KCNQ1OT1: variants seen among roughly 807,000 people sequenced by gnomAD.
KCNQ1OT1 encodes the protein KCNQ1 antisense RNA 2 (non-protein coding).
rs1474824500 is a variant in KCNQ1OT1, at chr11:2,621,086, T to C, written n.78909A>G. The C allele has an allele frequency of 5.0e-6, 2 of 397,256 alleles. No homozygotes were observed. Among genetic ancestry groups the C allele is most frequent in the Non-Finnish European group, 8.9e-6 (2 of 225,870 alleles). 24.6% of individuals were successfully genotyped at this position (397,256 alleles called of 1,614,324 possible). On this transcript the variant is annotated non_coding_transcript_exon_variant, in exon 1 of 1. Coordinates refer to ENST00000597346, the Ensembl canonical transcript of KCNQ1OT1. The surrounding 1 kb of genome is among the most constrained non-coding windows in gnomAD (Gnocchi z 5.7). Reference sequence around the variant, plus strand: ...TCCACCTCCTGGGTTCAAGCAATTCTCCTGTCTCAGACTCCTGAGTAGCTG... The same window carrying C: ...TCCACCTCCTGGGTTCAAGCAATTCCCCTGTCTCAGACTCCTGAGTAGCTG...
Position 2,666,419 on chromosome 11 carries a change from G to A in KCNQ1OT1, n.33576C>T, listed in dbSNP as rs1039416543. The A allele has an allele frequency of 2.8e-5, 11 of 398,550 alleles. No individual in the cohort carries two copies. The South Asian group carries it at 3.8e-4, about 14-fold the overall frequency. The allele number at this position is 398,550 out of a possible 1,614,324, so 24.7% of individuals were successfully genotyped here. A position where few individuals can be genotyped will look rare whatever the true frequency, so the allele number is the denominator to read the frequency against. On this transcript the variant is annotated non_coding_transcript_exon_variant, in exon 1 of 1. Transcript: ENST00000597346. ...CTTGAGCAAAAACAGCCCCGTGTGC[G>A]TTAATTAGAATTTCCATGTCTTCAA... is the stretch of plus-strand genomic sequence containing the variant.
In KCNQ1OT1 at chr11:2,691,436, G is replaced by C; in HGVS notation, n.8559C>G. ...TGTGGGGAGTCCACTGAAGCTCCCTGCCCCCACTGAGTCTCTGATGTTGAC... is the reference window on the plus strand; with the variant it reads ...TGTGGGGAGTCCACTGAAGCTCCCTCCCCCCACTGAGTCTCTGATGTTGAC... On this transcript the variant is annotated non_coding_transcript_exon_variant, in exon 1 of 1. Transcript: ENST00000597346. The surrounding 1 kb of genome is among the most constrained non-coding windows in gnomAD (Gnocchi z 6.4). 2.5e-6 allele frequency: 1 copy of C among 398,606 alleles called. No homozygotes were observed. The allele number at this position is 398,606 out of a possible 1,614,324, so 24.7% of individuals were successfully genotyped here. A position where few individuals can be genotyped will look rare whatever the true frequency, so the allele number is the denominator to read the frequency against.
At chr11:2,644,017 T>C (rs1240193642) in exon 1 of KCNQ1OT1, 2 of 398,464 alleles carry the variant, frequency 5.0e-6, no homozygotes, top group African/African-American at 2.1e-5. Context: ...CTTTTATCGC[T>C]GGTTTTATGA....
chr11:2,614,729 C>A (rs1187461836), exon 1 of KCNQ1OT1: 2 of 398,252 alleles, frequency 5.0e-6, no homozygotes, highest in Non-Finnish European at 8.9e-6. Flanking sequence ...TTCCATTGGT[C>A]TATATGTCCA....
chr11:2,630,697 C>G (rs2133815817), exon 1 of KCNQ1OT1: 1 of 398,316 alleles, frequency 2.5e-6, no homozygotes, highest in Non-Finnish European at 4.4e-6. Flanking sequence ...CATATGTTTT[C>G]ATGTTACTAA....
chr11:2,628,928 T>A (rs952504472), exon 1 of KCNQ1OT1: 21 of 398,316 alleles, frequency 5.3e-5, no homozygotes, highest in Non-Finnish European at 9.3e-5. Context: ...TGACCATAAA[T>A]GTGTGGGTTT....
At chr11:2,644,552 AT>A in exon 1 of KCNQ1OT1, 2 of 398,200 alleles carry the variant, frequency 5.0e-6, no homozygotes, top group Non-Finnish European at 8.8e-6. Flanking sequence ...GGTTTCATCA[AT>A]TTCTTTTTCA....
chr11:2,685,409 C>T (rs763577452), exon 1 of KCNQ1OT1: 1 of 398,652 alleles, frequency 2.5e-6, no homozygotes, highest in Non-Finnish European at 4.4e-6. Flanking sequence ...TTCCATGGGT[C>T]TCCTTCACAT....
At position 2,657,538 on chromosome 11, in the gene KCNQ1OT1, T is replaced by C. The variant is rs1849871491; in HGVS notation, n.42457A>G. On this transcript the variant is annotated non_coding_transcript_exon_variant, in exon 1 of 1. Transcript: ENST00000597346. The surrounding 1 kb of genome is among the most constrained non-coding windows in gnomAD (Gnocchi z 4.8). ...ACAAAAATAGTACCGAGTACCCACATCCCTTTCACCAGCTTCCCCTAATGT... is the reference window on the plus strand; with the variant it reads ...ACAAAAATAGTACCGAGTACCCACACCCCTTTCACCAGCTTCCCCTAATGT... 2.5e-6 allele frequency: 1 copy of C among 398,476 alleles called. No individual in the cohort carries two copies. Among genetic ancestry groups the C allele is most frequent in the Non-Finnish European group, 4.4e-6 (1 of 226,066 alleles). The allele number at this position is 398,476 out of a possible 1,614,324, so 24.7% of individuals were successfully genotyped here.
rs117435185 is a variant in KCNQ1OT1 at position 2,617,269 on chromosome 11, A to C, written n.82726T>G. ...CCCATGGTAACCACTAGTTTATTCTATCTCTGTATATTTGACTTTTTTCTT... is the reference window on the plus strand; with the variant it reads ...CCCATGGTAACCACTAGTTTATTCTCTCTCTGTATATTTGACTTTTTTCTT... On this transcript the variant is annotated non_coding_transcript_exon_variant, in exon 1 of 1. Coordinates refer to ENST00000597346, the Ensembl canonical transcript of KCNQ1OT1. This position sits in a 1 kb window ranked among gnomAD's most constrained non-coding sequence, Gnocchi z 4.6. 0.016 allele frequency: 6,569 copies of C among 398,284 alleles called. 284 individuals are homozygous for C. Among genetic ancestry groups the C allele is most frequent in the East Asian group, 0.11 (3,072 of 28,048 alleles). The allele number at this position is 398,284 out of a possible 1,614,324, so 24.7% of individuals were successfully genotyped here. A position where few individuals can be genotyped will look rare whatever the true frequency, so the allele number is the denominator to read the frequency against.
At chr11:2,610,248 G>C (rs1218764340) in exon 1 of KCNQ1OT1, 5 of 397,598 alleles carry the variant, frequency 1.3e-5, no homozygotes, top group Non-Finnish European at 2.2e-5. Flanking sequence ...ATTAATCCTG[G>C]TGAGATACAG....
At chr11:2,689,539 G>A (rs964834579) in exon 1 of KCNQ1OT1, 10 of 398,526 alleles carry the variant, frequency 2.5e-5, no homozygotes, top group African/African-American at 1.6e-4. Context: ...CATGAAGCTT[G>A]CACAGGAAGA....
Position 2,678,154 on chromosome 11 carries a change from GC to G in KCNQ1OT1, n.21840del. The G allele has an allele frequency of 5.0e-6, 2 of 398,030 alleles. No individual in the cohort carries two copies. 24.7% of individuals were successfully genotyped at this position (398,030 alleles called of 1,614,324 possible). The stretch of plus-strand genomic sequence containing the variant: ...ATCCTCATTTTCCTTAGGTGTTTTG[GC>G]TTTTTCTATAATATTTTTCTGGTGG... On this transcript the variant is annotated non_coding_transcript_exon_variant, in exon 1 of 1. Coordinates refer to ENST00000597346, the Ensembl canonical transcript of KCNQ1OT1. The surrounding 1 kb of genome is among the most constrained non-coding windows in gnomAD (Gnocchi z 4.9).
chr11:2,688,005 G>T, exon 1 of KCNQ1OT1: 1 of 398,716 alleles, frequency 2.5e-6, no homozygotes. Context: ...GCGAGGGAGG[G>T]GTCAGCACCC....
exon 1 of KCNQ1OT1, chr11:2,635,468 C>G (rs1251131215): frequency 2.0e-5 from 3 of 152,124 alleles, no homozygotes; most frequent in African/African-American, 4.8e-5. Flanking sequence ...TTTCTGTCAG[C>G]TTTGTCAAAG....
exon 1 of KCNQ1OT1, chr11:2,649,066 C>A (rs1849717234): frequency 3.4e-6 from 1 of 296,448 alleles, no homozygotes; most frequent in Admixed American, 7.6e-5. Flanking sequence ...TGTGGAATAT[C>A]TTTTTCTATC....
chr11:2,672,265 C>G (rs562194524), exon 1 of KCNQ1OT1: 3 of 398,674 alleles, frequency 7.5e-6, no homozygotes, highest in Non-Finnish European at 1.3e-5. Context: ...TCTTTTTGAA[C>G]TGCCCCACGA....
At chr11:2,640,917 A>T (rs1849566303) in exon 1 of KCNQ1OT1, 1 of 399,350 alleles carries the variant, frequency 2.5e-6, no homozygotes, top group Non-Finnish European at 4.4e-6. Context: ...TATGATAATA[A>T]CATAAGATAA....
exon 1 of KCNQ1OT1, chr11:2,660,237 T>A (rs568343753): frequency 2.5e-6 from 1 of 398,398 alleles, no homozygotes; most frequent in East Asian, 3.6e-5. Context: ...TTTCATTTTC[T>A]AATTGTTGAT....
Sources: allele counts gnomAD v4.1 joint callset, GRCh38; gene constraint gnomAD v4.1.1; non-coding constraint Gnocchi (gnomAD v3.1); transcripts MANE v1.5; gene names NCBI Gene and HGNC (gene_info 2026-07-23, HGNC 2026-07-21).